The following KIF4A variants were observed in gnomAD, a reference collection of about 807,000 sequenced individuals.
KIF4A encodes the protein chromosome-associated kinesin KIF4A.
Under a neutral mutation model 105.9 loss-of-function variants are expected in KIF4A, and 7 were observed. The observed-to-expected ratio is 0.07, with a 90% CI of 0.04 to 0.12. The LOEUF is 0.12. KIF4A is among the 10% of genes least tolerant of loss of function. The pLI, the probability that KIF4A is intolerant of heterozygous loss-of-function variation, is 1.00. For synonymous variants in KIF4A, 281 were observed against 331.3 expected (o/e 0.85, Z 1.65); for missense variants, 558 against 929.2 (o/e 0.60, Z 5.19).
At chrX:70,350,466 CAGAGGGAGACGGG>C (rs2086025125) in intron 13 of KIF4A, among the ~76,000 whole-genome samples, 1 of 105,486 alleles carries the variant, frequency 9.5e-6, no homozygotes. Flanking sequence ...GCCTCGGCAA[CAGAGGGAGACGGG>C]AGAGGGAGAG....
intron 18 of KIF4A, among the ~76,000 whole-genome samples, chrX:70,386,251 A>G (rs767166736): frequency 1.5e-4 from 17 of 111,010 alleles, no homozygotes; most frequent in Middle Eastern, 4.6e-3. Context: ...ATACTGGTCT[A>G]TTTTTCAGGA....
intron 13 of KIF4A, among the ~76,000 whole-genome samples, chrX:70,350,256 G>A (rs1018445835): frequency 3.8e-4 from 42 of 111,131 alleles, no homozygotes; most frequent in Non-Finnish European, 3.2e-4. Flanking sequence ...AGGCCGAGGC[G>A]GGCAGATCAC....
intron 13 of KIF4A, among the ~76,000 whole-genome samples, chrX:70,352,337 G>C (rs927857198): frequency 4.5e-5 from 5 of 111,583 alleles, no homozygotes; most frequent in African/African-American, 1.6e-4. Flanking sequence ...CTCTGGCAGG[G>C]CAGGAGAAGT....
chrX:70,371,768 G>C (rs1446171675), intron 15 of KIF4A, among the ~76,000 whole-genome samples: 1 of 108,819 alleles, frequency 9.2e-6, no homozygotes, highest in South Asian at 4.2e-4. Flanking sequence ...CTTCCCAGAC[G>C]GGGTGGCTGC....
At chrX:70,370,794 A>G (rs1170817260) in intron 15 of KIF4A, among the ~76,000 whole-genome samples, 2 of 109,197 alleles carry the variant, frequency 1.8e-5, no homozygotes, top group African/African-American at 6.7e-5. Flanking sequence ...AAATTAGCCA[A>G]GTGTGGTGGC....
In KIF4A at chrX:70,413,629, C is replaced by CAAA. The variant is rs59508236; in HGVS notation, c.3256-4245_3256-4243dup. On this transcript the variant is annotated intron_variant, in intron 28 of 30. Transcript: ENST00000374403. ...TGGGAGACAGAGCAAGACTCCATCT[C>CAAA]AAAAAAAAAAAAAAAAGAGTGCTTG... Among the ~76,000 whole-genome samples the CAAA allele has an allele frequency of 1.7e-4, 13 of 75,812 alleles. No individual in the cohort carries two copies. The South Asian group carries it at 2.5e-3, about 14-fold the overall frequency. The allele number at this position is 75,812 out of a possible 115,157, so 65.8% of individuals were successfully genotyped here. A position where few individuals can be genotyped will look rare whatever the true frequency, so the allele number is the denominator to read the frequency against.
intron 5 of KIF4A, among the ~76,000 whole-genome samples, chrX:70,301,535 G>T (rs1160445907): frequency 1.8e-5 from 2 of 111,602 alleles, no homozygotes; most frequent in Non-Finnish European, 3.8e-5. Flanking sequence ...TCAGATAGGG[G>T]TGAAAGTAAC....
At chrX:70,294,440 T>C (rs780854623) in intron 3 of KIF4A, among the ~76,000 whole-genome samples, 11 of 112,805 alleles carry the variant, frequency 9.8e-5, no homozygotes, top group Non-Finnish European at 2.1e-4. Context: ...CTAGTAACAA[T>C]CATTTATTAT....
chrX:70,333,689 C>T lies in KIF4A; in HGVS notation c.1133C>T (p.Thr378Ile), dbSNP rs756184991. The T allele has an allele frequency of 3.2e-5, 36 of 1,140,447 alleles. No homozygotes were observed. The highest frequency in any genetic ancestry group is 5.4e-5 in the African/African-American group (3 of 55,792). 94.0% of individuals were successfully genotyped at this position (1,140,447 alleles called of 1,213,427 possible). A position where few individuals can be genotyped will look rare whatever the true frequency, so the allele number is the denominator to read the frequency against. ...AHGGTLPGSI[T>I]VEPSENLQSL... ...GGAGGTACCCTGCCTGGATCTATAACGTAAGAGTCATAGATTAATTTGAAT... is the reference window on the plus strand; with the variant it reads ...GGAGGTACCCTGCCTGGATCTATAATGTAAGAGTCATAGATTAATTTGAAT... The change falls in exon 10 of 31, where the codon ACT becomes ATT. Residue 378 changes from threonine to isoleucine, a missense_variant and splice_region_variant. Coordinates refer to ENST00000374403, the MANE Select transcript of KIF4A (RefSeq NM_012310.5).
intron 22 of KIF4A, among the ~76,000 whole-genome samples, chrX:70,399,442 C>G (rs1182556365): frequency 9.0e-6 from 1 of 111,202 alleles, no homozygotes; most frequent in African/African-American, 3.3e-5. Context: ...GTGAACTTGA[C>G]AGTTTTTCAT....
Position 70,403,974 on chromosome X carries a change from C to T in KIF4A, c.2730C>T (p.Ala910=), listed in dbSNP as rs201838413. 7.4e-6 allele frequency: 9 copies of T among 1,211,103 alleles called. No homozygotes were observed. Among genetic ancestry groups the T allele is most frequent in the Admixed American group, 2.2e-5 (1 of 45,906 alleles). Residue 910 remains alanine, a synonymous_variant, in exon 24 of 31, where the codon GCC becomes GCT. Transcript: ENST00000374403. The part of the protein sequence containing the change: ...KMLFEERNHF[A]EIETELQAEL... The stretch of plus-strand genomic sequence containing the variant: ...TGTTTGAGGAACGAAATCATTTTGC[C>T]GAGATAGAGACAGAGTTACAAGCTG...
chrX:70,364,981 G>C (rs989343424), intron 15 of KIF4A, among the ~76,000 whole-genome samples: 5 of 111,173 alleles, frequency 4.5e-5, no homozygotes, highest in African/African-American at 1.6e-4. Context: ...TGGATTCCTA[G>C]GTATTTTATT....
chrX:70,333,540 T>A, intron 9 of KIF4A, 88 bp from the exon 10 acceptor site: 1 of 631,615 alleles, frequency 1.6e-6, no homozygotes, highest in Non-Finnish European at 2.7e-6. Context: ...GTAAAATTAC[T>A]TTATTGCTAA....
At position 70,343,992 on chromosome X, in the gene KIF4A, G is replaced by C. The variant is rs1306103836; in HGVS notation, c.1431+10G>C. On this transcript the variant is annotated intron_variant, in intron 13 of 30. Coordinates refer to ENST00000374403, the MANE Select transcript of KIF4A (RefSeq NM_012310.5). The stretch of plus-strand genomic sequence containing the variant: ...GATTACCCAGTTATCGGTAAGCCAA[G>C]TAGGGGCAGTGTAAATAGGCATATC... 1.8e-6 allele frequency: 2 copies of C among 1,117,897 alleles called. No homozygotes were observed. Among genetic ancestry groups the C allele is most frequent in the African/African-American group, 3.6e-5 (2 of 55,720 alleles). The allele number at this position is 1,117,897 out of a possible 1,213,427, so 92.1% of individuals were successfully genotyped here.
rs764648571 is a variant in KIF4A, at chrX:70,302,053, A to C, written c.670A>C (p.Lys224Gln). 51 of 1,209,421 alleles carry C rather than the reference A, an allele frequency of 4.2e-5. No homozygotes were observed. The highest frequency in any genetic ancestry group is 5.7e-5 in the Non-Finnish European group (51 of 894,933). Residue 224 changes from lysine (K) to glutamine (Q), a missense_variant, in exon 6 of 31, where the codon AAG (lysine) becomes CAG (glutamine). Physicochemically the swap from Lys to Gln is moderately conservative, Grantham distance 53. Around this residue, in one of 2 missense-constraint regions of KIF4A, gnomAD observed 89 missense variants for 248.8 expected, o/e 0.36. Coordinates refer to ENST00000374403, the MANE Select transcript of KIF4A (RefSeq NM_012310.5). Reference sequence around the variant, plus strand: ...CTTTACAATCTCCTTAGAGCAAAGAAAGAAAAGTGACAAGTAAGTTACAAT... The same window carrying C: ...CTTTACAATCTCCTTAGAGCAAAGACAGAAAAGTGACAAGTAAGTTACAAT... ...AIFTISLEQR[K>Q]KSDKNSSFRS... is the part of the protein sequence containing the mutation.
Position 70,374,226 on chromosome X carries a change from A to T in KIF4A, c.1750A>T (p.Thr584Ser). ...GGAAGAATTGGTTCTTGAACTTCAG[A>T]CAGCAAAGAAGGATGCCAACCAAGC... ...EKEELVLELQ[T>S]AKKDANQAKL... is the part of the protein sequence containing the mutation. Residue 584 changes from threonine to serine, a missense_variant, in exon 16 of 31, where the codon ACA (threonine) becomes TCA (serine). This residue lies in a region of KIF4A where 469 missense variants were observed against 680.4 expected (regional missense o/e 0.69). Transcript: ENST00000374403. 8.4e-7 allele frequency: 1 copy of T among 1,197,511 alleles called. No individual in the cohort carries two copies. The highest frequency in any genetic ancestry group is 1.8e-5 in the South Asian group (1 of 56,260).
intron 7 of KIF4A, among the ~76,000 whole-genome samples, chrX:70,313,572 T>C (rs997059093): frequency 1.7e-4 from 19 of 112,140 alleles, no homozygotes; most frequent in African/African-American, 6.2e-4. Flanking sequence ...GTCCCAGGGC[T>C]TCCTTCTGTT....
Position 70,376,139 on chromosome X carries a change from A to C in KIF4A, c.1963A>C (p.Lys655Gln), listed in dbSNP as rs1311024727. ...NQRVQLMRQMKEDAEKFRQWK... is the reference protein window; with the variant it reads ...NQRVQLMRQMQEDAEKFRQWK... ...GCGGGTACAGTTAATGCGTCAAATG[A>C]AAGAAGATGCTGAGAAGTTTAGACA... The change falls in exon 18 of 31, where the codon AAA becomes CAA. Residue 655 changes from lysine to glutamine, a missense_variant. Physicochemically the swap from Lys to Gln is moderately conservative, Grantham distance 53 (BLOSUM62 1). Around this residue, in one of 2 missense-constraint regions of KIF4A, gnomAD observed 469 missense variants for 680.4 expected, o/e 0.69. Transcript: ENST00000374403. 2 of 1,209,048 alleles carry C rather than the reference A, an allele frequency of 1.7e-6. No individual in the cohort carries two copies. The highest frequency in any genetic ancestry group is 4.4e-5 in the Admixed American group (2 of 45,944).
At position 70,290,362 on chromosome X, in the gene KIF4A, G is replaced by A. The variant is rs1023943873; in HGVS notation, c.-21-76G>A. ...TCAGTGTTCCCGCTGAGGAGGGTCG[G>A]AACCGGGGAGGACGCCCTCCCACCC... On this transcript the variant is annotated intron_variant, in intron 1 of 30. Coordinates refer to ENST00000374403, the MANE Select transcript of KIF4A (RefSeq NM_012310.5). The A allele has an allele frequency of 5.4e-6, 6 of 1,112,348 alleles. No homozygotes were observed. The African/African-American group carries it at 9.1e-5, about 17-fold the overall frequency. The allele number at this position is 1,112,348 out of a possible 1,213,427, so 91.7% of individuals were successfully genotyped here.
Sources: gnomAD v4.1 joint callset for allele counts (sites outside exome capture counted in the v4.1 genomes callset) on GRCh38, gnomAD v4.1.1 for gene constraint, gnomAD v4.1.1 regional missense constraint, MANE v1.5 for transcripts, NCBI Gene and HGNC (gene_info 2026-07-23, HGNC 2026-07-21) for gene names.